Variants in MGAT5 observed in about 807,000 individuals in gnomAD.
MGAT5 encodes the protein alpha-1,6-mannosylglycoprotein 6-beta-N-acetylglucosaminyltransferase A.
In MGAT5, 30 loss-of-function variants were observed where a neutral mutation model predicts 94.3. The observed-to-expected ratio is 0.32, with a 90% CI of 0.24 to 0.43. MGAT5 has a LOEUF of 0.43. Among genes scored for constraint, MGAT5 ranks in the 20% least tolerant of loss-of-function variants. The pLI is 1.00. For synonymous variants in MGAT5, 310 were observed against 322.9 expected, an observed-to-expected ratio of 0.96 and a Z score of 0.43; for missense variants, 691 against 905.5, an observed-to-expected ratio of 0.76 and a Z score of 3.04.
intron 4 of MGAT5, among the ~76,000 whole-genome samples, chr2:134,326,290 A>G (rs569146852): frequency 6.6e-6 from 1 of 151,990 alleles, no homozygotes; most frequent in South Asian, 2.1e-4. Flanking sequence ...TATTATCGTT[A>G]TGTAGTAATG....
chr2:134,169,873 G>T (rs1052117609), intron 1 of MGAT5, among the ~76,000 whole-genome samples: 1 of 152,164 alleles, frequency 6.6e-6, no homozygotes, highest in African/African-American at 2.4e-5. Flanking sequence ...GACTCAGGAG[G>T]TAGCTTGTCT....
intron 2 of MGAT5, among the ~76,000 whole-genome samples, chr2:134,306,265 G>T (rs1317350985): frequency 6.6e-6 from 1 of 150,596 alleles, no homozygotes; most frequent in East Asian, 1.9e-4. Context: ...TATTTACATA[G>T]AAATGAATAC....
At chr2:134,218,235 C>T (rs947567160) in intron 1 of MGAT5, among the ~76,000 whole-genome samples, 2 of 152,222 alleles carry the variant, frequency 1.3e-5, no homozygotes, top group African/African-American at 4.8e-5. Flanking sequence ...TGTTTAAGAA[C>T]TGTGGTTCTC....
chr2:134,189,240 T>C (rs1218761270), intron 1 of MGAT5, among the ~76,000 whole-genome samples: 1 of 152,156 alleles, frequency 6.6e-6, no homozygotes, highest in Non-Finnish European at 1.5e-5. Flanking sequence ...GATCCTCTAA[T>C]TGCATGGTTG....
intron 10 of MGAT5, among the ~76,000 whole-genome samples, chr2:134,381,411 TAGA>T (rs1558842031): frequency 1.2e-4 from 14 of 116,910 alleles, no homozygotes; most frequent in African/African-American, 4.3e-4. Flanking sequence ...GATAGATAGA[TAGA>T]TAGATAGATA....
intron 1 of MGAT5, among the ~76,000 whole-genome samples, chr2:134,132,066 G>C (rs1389719752): frequency 6.6e-6 from 1 of 152,230 alleles, no homozygotes; most frequent in Non-Finnish European, 1.5e-5. Context: ...TTTGGGGTAA[G>C]TTTGCTATAG....
intron 1 of MGAT5, among the ~76,000 whole-genome samples, chr2:134,150,503 T>G (rs949282253): frequency 2.0e-5 from 3 of 152,156 alleles, no homozygotes; most frequent in Non-Finnish European, 4.4e-5. Flanking sequence ...CTCCCTTGCT[T>G]CTTCTGACAC....
intron 13 of MGAT5, among the ~76,000 whole-genome samples, chr2:134,423,754 T>A (rs139722183): frequency 6.6e-6 from 1 of 152,330 alleles, no homozygotes; most frequent in Non-Finnish European, 1.5e-5. Flanking sequence ...GGGCTAATAT[T>A]ACCACTTGAT....
chr2:134,209,146 T>A lies in MGAT5; in HGVS notation c.-142-45116T>A, dbSNP rs1680171203. Among the ~76,000 whole-genome samples, 2 of 33,068 alleles carry A rather than the reference T, an allele frequency of 6.0e-5. 1 individual carries two copies. Among genetic ancestry groups the A allele is most frequent in the Non-Finnish European group, 1.2e-4 (2 of 17,222 alleles). The allele number at this position is 33,068 out of a possible 152,430, so 21.7% of individuals were successfully genotyped here. A position where few individuals can be genotyped will look rare whatever the true frequency, so the allele number is the denominator to read the frequency against. On this transcript the variant is annotated intron_variant, in intron 1 of 16. Coordinates refer to the MGAT5 transcript ENST00000409645. ...ATTGTATATAGAACTGGCTTATTTT[T>A]TTTTTATTTTTTTTTTTTTTTTTAT...
intron 2 of MGAT5, among the ~76,000 whole-genome samples, chr2:134,297,150 T>C (rs140141064): frequency 1.8e-3 from 254 of 145,102 alleles, no homozygotes; most frequent in African/African-American, 6.3e-3. Flanking sequence ...TGAGCCTTGA[T>C]TGTGCCCCTA....
At chr2:134,265,510 T>G (rs1283059655) in intron 1 of MGAT5, among the ~76,000 whole-genome samples, 1 of 152,226 alleles carries the variant, frequency 6.6e-6, no homozygotes, top group African/African-American at 2.4e-5. Flanking sequence ...CCTTACCATT[T>G]ATCAAAGAAT....
intron 9 of MGAT5, among the ~76,000 whole-genome samples, chr2:134,356,960 C>T (rs772834434): frequency 1.3e-5 from 2 of 152,116 alleles, no homozygotes; most frequent in Non-Finnish European, 2.9e-5. Context: ...TCCTCCATGA[C>T]TTTATTGCTA....
chr2:134,266,278 C>T lies in MGAT5; in HGVS notation c.242-4108C>T, dbSNP rs1282482692. 5.3e-5 allele frequency among the ~76,000 whole-genome samples: 8 copies of T among 151,940 alleles called. 1 individual carries two copies. The highest frequency in any genetic ancestry group is 6.6e-5 in the Admixed American group (1 of 15,266). On this transcript the variant is annotated intron_variant, in intron 1 of 15. Coordinates refer to ENST00000281923, the MANE Select transcript of MGAT5 (RefSeq NM_002410.5). ...CTCTGTTACCCAGGCTGGAGTGCAG[C>T]GGTGCAATCTTGGCTCACTGCAACC...
intron 1 of MGAT5, among the ~76,000 whole-genome samples, chr2:134,134,864 A>T (rs752669647): frequency 2.0e-4 from 30 of 152,378 alleles, no homozygotes; most frequent in African/African-American, 6.0e-4. Context: ...CCTAGACCTA[A>T]CTTAGGTATA....
At chr2:134,448,094 G>C (rs1291405092) in intron 15 of MGAT5, among the ~76,000 whole-genome samples, 5 of 152,252 alleles carry the variant, frequency 3.3e-5, no homozygotes, top group Non-Finnish European at 1.5e-5. Flanking sequence ...CATACTTAAA[G>C]AACGTAAATG....
intron 15 of MGAT5, among the ~76,000 whole-genome samples, chr2:134,448,097 C>T (rs77476668): frequency 0.033 from 4,984 of 152,324 alleles, 202 homozygotes; most frequent in African/African-American, 0.094. Context: ...ACTTAAAGAA[C>T]GTAAATGATG....
intron 2 of MGAT5, among the ~76,000 whole-genome samples, chr2:134,275,425 T>G (rs542935875): frequency 2.0e-5 from 3 of 152,258 alleles, no homozygotes; most frequent in African/African-American, 7.2e-5. Flanking sequence ...TTTGTTTTTA[T>G]TTAGAAGAAG....
At chr2:134,223,745 C>A in intron 1 of MGAT5, among the ~76,000 whole-genome samples, 1 of 152,122 alleles carries the variant, frequency 6.6e-6, no homozygotes, top group Non-Finnish European at 1.5e-5. Flanking sequence ...CCTTATTATG[C>A]TTGCCTGATG....
At chr2:134,397,157 T>C (rs1682759353) in intron 10 of MGAT5, among the ~76,000 whole-genome samples, 3 of 152,150 alleles carry the variant, frequency 2.0e-5, no homozygotes, top group Admixed American at 2.0e-4. Context: ...AAGCTCTTTA[T>C]ATAGGGGAAC....
Sources: allele counts gnomAD v4.1 joint callset (sites outside exome capture counted in the v4.1 genomes callset), GRCh38; gene constraint gnomAD v4.1.1; transcripts MANE v1.5; gene names NCBI Gene and HGNC (gene_info 2026-07-23, HGNC 2026-07-21).